Variants in CNTN5 observed in about 807,000 individuals in gnomAD.
CNTN5 encodes contactin 5.
A neutral mutation model predicts 129.1 loss-of-function variants in CNTN5; 77 were observed. The observed-to-expected ratio is 0.60, with a 90% CI of 0.50 to 0.72. The LOEUF (loss-of-function observed/expected upper bound fraction) is 0.72. Among genes scored for constraint, CNTN5 ranks in the 30% least tolerant of loss-of-function variants. The pLI, the probability that CNTN5 is intolerant of heterozygous loss-of-function variation, is 0.00. For missense variants in CNTN5, 1,478 were observed against 1,328.8 expected, an observed-to-expected ratio of 1.11 and a Z score of -1.75; for synonymous variants, 509 against 465.6, an observed-to-expected ratio of 1.09 and a Z score of -1.20.
chr11:99,337,854 T>A (rs1439195122), intron 2 of CNTN5, among the ~76,000 whole-genome samples: 1 of 69,316 alleles, frequency 1.4e-5, no homozygotes, highest in Non-Finnish European at 2.8e-5. Context: ...GTTATTTCTA[T>A]GTTCTATAAA....
intron 8 of CNTN5, among the ~76,000 whole-genome samples, chr11:99,992,403 G>C (rs1939167434): frequency 6.6e-6 from 1 of 152,158 alleles, no homozygotes; most frequent in Non-Finnish European, 1.5e-5. Flanking sequence ...AATACTGTAT[G>C]TTTGACAGCA....
intron 3 of CNTN5, among the ~76,000 whole-genome samples, chr11:99,755,436 G>A (rs1037283941): frequency 1.3e-5 from 2 of 152,024 alleles, no homozygotes; most frequent in Non-Finnish European, 2.9e-5. Flanking sequence ...GTATGTAGTT[G>A]CGTCCCATTG....
chr11:99,494,488 T>A lies in CNTN5; in HGVS notation c.-70-61657T>A, dbSNP rs529074422. 2.0e-5 allele frequency among the ~76,000 whole-genome samples: 3 copies of A among 152,316 alleles called. No homozygotes were observed. The South Asian group carries it at 6.2e-4, about 32-fold the overall frequency. On this transcript the variant is annotated intron_variant, in intron 2 of 24. Transcript: ENST00000524871. ...TACTAACAGTTTTTAGATATTGAATTTAAAAGGTGAAGAAAATCTTGTTAC... is the reference window on the plus strand; with the variant it reads ...TACTAACAGTTTTTAGATATTGAATATAAAAGGTGAAGAAAATCTTGTTAC...
intron 6 of CNTN5, among the ~76,000 whole-genome samples, chr11:99,864,005 G>C (rs1336026485): frequency 6.6e-6 from 1 of 152,096 alleles, no homozygotes; most frequent in Non-Finnish European, 1.5e-5. Flanking sequence ...AAATATATGG[G>C]GAAAGACATG....
At chr11:99,569,598 C>T (rs1272745366) in intron 3 of CNTN5, among the ~76,000 whole-genome samples, 1 of 152,172 alleles carries the variant, frequency 6.6e-6, no homozygotes, top group Non-Finnish European at 1.5e-5. Flanking sequence ...AGGCTTGAGC[C>T]ACCATTTTTA....
chr11:99,035,778 T>C (rs1484032907), intron 1 of CNTN5, among the ~76,000 whole-genome samples: 1 of 149,114 alleles, frequency 6.7e-6, no homozygotes, highest in Non-Finnish European at 1.5e-5. Context: ...ACATTTAAAG[T>C]TAATATTGTT....
chr11:99,676,168 T>C (rs1953274998), intron 3 of CNTN5, among the ~76,000 whole-genome samples: 3 of 152,358 alleles, frequency 2.0e-5, no homozygotes, highest in South Asian at 2.1e-4. Context: ...TTTTATTACA[T>C]AATTTTCATG....
At chr11:100,039,052 T>G (rs1291095137) in intron 9 of CNTN5, among the ~76,000 whole-genome samples, 1 of 152,216 alleles carries the variant, frequency 6.6e-6, no homozygotes, top group African/African-American at 2.4e-5. Context: ...TGATGCAGTT[T>G]CTTCCTAGCC....
At chr11:99,725,372 A>G (rs1351486732) in intron 3 of CNTN5, among the ~76,000 whole-genome samples, 2 of 152,020 alleles carry the variant, frequency 1.3e-5, no homozygotes, top group African/African-American at 4.8e-5. Context: ...TATCTCTATG[A>G]AGATACTATT....
intron 1 of CNTN5, among the ~76,000 whole-genome samples, chr11:99,234,751 T>G: frequency 6.6e-6 from 1 of 151,922 alleles, no homozygotes; most frequent in East Asian, 1.9e-4. Flanking sequence ...ACAATGATAA[T>G]TAATAAATAA....
chr11:99,382,887 C>G (rs1048238480), intron 2 of CNTN5, among the ~76,000 whole-genome samples: 4 of 60,726 alleles, frequency 6.6e-5, no homozygotes, highest in Admixed American at 6.2e-4. Flanking sequence ...GACAGAGTCT[C>G]GCTCTGTCTC....
intron 1 of CNTN5, among the ~76,000 whole-genome samples, chr11:99,082,872 T>C (rs939315046): frequency 1.2e-4 from 18 of 152,184 alleles, no homozygotes; most frequent in Admixed American, 1.1e-3. Context: ...TTGGTATTTG[T>C]ATGATTTCAC....
chr11:99,276,117 C>T (rs1183013327), intron 1 of CNTN5, among the ~76,000 whole-genome samples: 2 of 151,614 alleles, frequency 1.3e-5, no homozygotes, highest in Non-Finnish European at 3.0e-5. Context: ...CCTGATTTAA[C>T]TTTTCTCAAT....
chr11:99,652,172 T>C (rs1283764929), intron 3 of CNTN5, among the ~76,000 whole-genome samples: 1 of 152,062 alleles, frequency 6.6e-6, no homozygotes, highest in Non-Finnish European at 1.5e-5. Context: ...TTCAGTTTAC[T>C]GAGGTTAAGA....
chr11:100,060,002 A>G (rs533209719), intron 9 of CNTN5, among the ~76,000 whole-genome samples: 1 of 152,224 alleles, frequency 6.6e-6, no homozygotes, highest in East Asian at 1.9e-4. Flanking sequence ...TGAAGTCAGG[A>G]GTTCGAAAAC....
chr11:99,111,380 G>A (rs1173516516), intron 1 of CNTN5, among the ~76,000 whole-genome samples: 1 of 151,924 alleles, frequency 6.6e-6, no homozygotes, highest in African/African-American at 2.4e-5. Context: ...CTTAGAAAAG[G>A]TACAAATTCT....
chr11:99,380,868 T>C (rs1409962656), intron 2 of CNTN5, among the ~76,000 whole-genome samples: 5 of 151,810 alleles, frequency 3.3e-5, no homozygotes, highest in Non-Finnish European at 7.4e-5. Flanking sequence ...CATGTATAGA[T>C]ACTGGGGTTA....
intron 8 of CNTN5, among the ~76,000 whole-genome samples, chr11:99,989,425 T>G (rs1390840587): frequency 6.6e-6 from 1 of 152,140 alleles, no homozygotes; most frequent in Non-Finnish European, 1.5e-5. Context: ...ACACACGTCT[T>G]GGTGGCAGGT....
At chr11:99,898,626 CTAAT>C (rs980087964) in intron 6 of CNTN5, among the ~76,000 whole-genome samples, 3 of 152,046 alleles carry the variant, frequency 2.0e-5, no homozygotes, top group African/African-American at 7.2e-5. Flanking sequence ...TTGAAGAACA[CTAAT>C]TGTTTTCATT....
Sources: allele counts gnomAD v4.1 joint callset (sites outside exome capture counted in the v4.1 genomes callset), GRCh38; gene constraint gnomAD v4.1.1; transcripts MANE v1.5; gene names NCBI Gene and HGNC (gene_info 2026-07-23, HGNC 2026-07-21).